NIPBL: variants seen among roughly 807,000 people sequenced by gnomAD.
The protein encoded by NIPBL is nipped-B-like protein.
In NIPBL, 19 loss-of-function variants were observed where a neutral mutation model predicts 321.8. The ratio of observed to expected loss-of-function variants is 0.06; its 90% CI spans 0.04 to 0.09. The LOEUF (loss-of-function observed/expected upper bound fraction) is 0.09, where lower values mean the gene tolerates loss of function less well. Ranked by LOEUF, NIPBL falls within the 10% of genes least tolerant of loss-of-function variation. The probability of loss-of-function intolerance (pLI) is 1.00; values close to 1 mark genes in which losing one functional copy is unlikely to be tolerated. For synonymous variants in NIPBL, 1,106 were observed against 1,114.1 expected, an observed-to-expected ratio of 0.99 and a Z score of 0.14; for missense variants, 2,210 against 3,327.0, an observed-to-expected ratio of 0.66 and a Z score of 8.26.
chr5:36,973,729 A>G (rs922458819), intron 8 of NIPBL, among the ~76,000 whole-genome samples: 3 of 152,044 alleles, frequency 2.0e-5, no homozygotes, highest in Non-Finnish European at 2.9e-5. Flanking sequence ...TCGGCCTCCC[A>G]AAGTGCTGGG....
chr5:36,961,232 G>A (rs989357536), intron 4 of NIPBL, among the ~76,000 whole-genome samples: 1 of 152,118 alleles, frequency 6.6e-6, no homozygotes, highest in Non-Finnish European at 1.5e-5. Context: ...AGAATATTGA[G>A]TAAGCAAGTA....
intron 1 of NIPBL, among the ~76,000 whole-genome samples, chr5:36,946,691 A>G (rs531476781): frequency 2.8e-4 from 43 of 152,180 alleles, no homozygotes; most frequent in Admixed American, 1.1e-3. Context: ...AATATTCCAC[A>G]TATATGAAAT....
At chr5:36,881,488 C>T (rs1321749109) in intron 1 of NIPBL, among the ~76,000 whole-genome samples, 2 of 151,870 alleles carry the variant, frequency 1.3e-5, no homozygotes, top group African/African-American at 4.8e-5. Flanking sequence ...CCCATAATAT[C>T]TCATTTAATC....
intron 36 of NIPBL, among the ~76,000 whole-genome samples, 185 bp downstream of exon 36, chr5:37,044,914 C>T (rs148958802): frequency 1.0e-3 from 153 of 152,298 alleles, no homozygotes; most frequent in Non-Finnish European, 1.5e-3. Context: ...ACTGTGATTA[C>T]TTCAGAAATT....
At chr5:36,892,504 C>G (rs1746413798) in intron 1 of NIPBL, among the ~76,000 whole-genome samples, 1 of 152,112 alleles carries the variant, frequency 6.6e-6, no homozygotes, top group South Asian at 2.1e-4. Context: ...TTTATTGCGG[C>G]ACTATTCACA....
At chr5:36,923,084 C>G (rs566426261) in intron 1 of NIPBL, among the ~76,000 whole-genome samples, 1 of 152,168 alleles carries the variant, frequency 6.6e-6, no homozygotes, top group Admixed American at 6.5e-5. Context: ...GTCAAGAGAT[C>G]AAAACCATCC....
intron 1 of NIPBL, among the ~76,000 whole-genome samples, chr5:36,925,009 A>G (rs922159752): frequency 3.9e-5 from 6 of 152,222 alleles, no homozygotes; most frequent in Admixed American, 2.0e-4. Context: ...ATATTTTACG[A>G]TGCTACTAAG....
At chr5:37,062,258 T>G (rs2149757718) in intron 45 of NIPBL, among the ~76,000 whole-genome samples, 2 of 152,352 alleles carry the variant, frequency 1.3e-5, no homozygotes, top group East Asian at 3.9e-4. Context: ...AATACATGGC[T>G]TATATGTCAT....
chr5:37,045,922 A>T (rs1186337011), intron 37 of NIPBL, among the ~76,000 whole-genome samples, 187 bp from the exon 38 acceptor site: 1 of 152,232 alleles, frequency 6.6e-6, no homozygotes, highest in Non-Finnish European at 1.5e-5. Context: ...TACATTCCGA[A>T]ACAAGCTTCT....
At chr5:36,884,436 C>T (rs891319552) in intron 1 of NIPBL, among the ~76,000 whole-genome samples, 3 of 152,156 alleles carry the variant, frequency 2.0e-5, no homozygotes, top group African/African-American at 2.4e-5. Context: ...TTCAAAATGT[C>T]AGCTCAAGGA....
chr5:37,015,256 C>T (rs529939944), intron 22 of NIPBL, among the ~76,000 whole-genome samples: 48 of 151,974 alleles, frequency 3.2e-4, no homozygotes, highest in Admixed American at 6.5e-4. Context: ...CCCAAGTAGC[C>T]GGGATTACAG....
chr5:37,020,789 C>T lies in NIPBL; in HGVS notation c.5240C>T (p.Thr1747Ile). The T allele has an allele frequency of 6.2e-7, 1 of 1,613,968 alleles. No homozygotes were observed. Among genetic ancestry groups the T allele is most frequent in the Non-Finnish European group, 8.5e-7 (1 of 1,179,854 alleles). Residue 1747 changes from threonine (T) to isoleucine (I), a missense_variant, in exon 27 of 47, where the codon ACT becomes ATT. Around this residue, in one of 14 missense-constraint regions of NIPBL, gnomAD observed 138 missense variants for 175.8 expected, o/e 0.79. Transcript: ENST00000282516. ...QFSTLKMNSD[T>I]VDYDDACLIV... ...TTTTGTTGCAGGATGAACTCTGATA[C>T]TGTGGACTATGATGATGCTTGCTTG...
At chr5:36,948,610 TAAGATTCA>T (rs1287099315) in intron 1 of NIPBL, among the ~76,000 whole-genome samples, 1 of 151,920 alleles carries the variant, frequency 6.6e-6, no homozygotes, top group Non-Finnish European at 1.5e-5. Flanking sequence ...TTGTGCTTGG[TAAGATTCA>T]TTTGCTAAAA....
chr5:36,930,003 AT>A (rs1334750950), intron 1 of NIPBL, among the ~76,000 whole-genome samples: 3 of 152,008 alleles, frequency 2.0e-5, no homozygotes, highest in Non-Finnish European at 4.4e-5. Flanking sequence ...AAGTTTTGAA[AT>A]TGGGTAGTAT....
intron 8 of NIPBL, among the ~76,000 whole-genome samples, chr5:36,974,344 A>G (rs1029963504): frequency 1.3e-5 from 2 of 152,192 alleles, no homozygotes; most frequent in South Asian, 2.1e-4. Context: ...TTGTCAGTCT[A>G]TCTTGATTTT....
At chr5:36,884,302 T>C (rs1413120017) in intron 1 of NIPBL, among the ~76,000 whole-genome samples, 1 of 152,156 alleles carries the variant, frequency 6.6e-6, no homozygotes, top group Non-Finnish European at 1.5e-5. Flanking sequence ...CAGAGCAGTT[T>C]CAGAGGCCTC....
At chr5:36,884,872 A>G (rs1399385124) in intron 1 of NIPBL, among the ~76,000 whole-genome samples, 1 of 152,168 alleles carries the variant, frequency 6.6e-6, no homozygotes, top group Non-Finnish European at 1.5e-5. Context: ...ATCCCTAACA[A>G]TACATACATA....
At chr5:36,905,954 C>T (rs1346258899) in intron 1 of NIPBL, among the ~76,000 whole-genome samples, 1 of 152,098 alleles carries the variant, frequency 6.6e-6, no homozygotes, top group Non-Finnish European at 1.5e-5. Flanking sequence ...CCGTGTTAGC[C>T]AGGATGGTCT....
chr5:36,896,209 T>G (rs76188244), intron 1 of NIPBL, among the ~76,000 whole-genome samples: 17,579 of 152,268 alleles, frequency 0.12, 1,098 homozygotes, highest in Admixed American at 0.18. Flanking sequence ...TGAATGGTCT[T>G]GGCATCCCTG....
Sources: allele counts gnomAD v4.1 joint callset (sites outside exome capture counted in the v4.1 genomes callset), GRCh38; gene constraint gnomAD v4.1.1; regional missense constraint gnomAD v4.1.1; transcripts MANE v1.5; gene names NCBI Gene and HGNC (gene_info 2026-07-23, HGNC 2026-07-21).